Variants in SPTBN1 observed in about 807,000 individuals in gnomAD.
SPTBN1 encodes the protein spectrin beta chain, non-erythrocytic 1.
In SPTBN1, 32 loss-of-function variants were observed where a neutral mutation model predicts 266.4. That is an observed-to-expected ratio of 0.12 (90% CI 0.09 to 0.16). The LOEUF (loss-of-function observed/expected upper bound fraction) is 0.16, where lower values mean the gene tolerates loss of function less well. Among genes scored for constraint, SPTBN1 ranks in the 10% least tolerant of loss-of-function variants. SPTBN1 has a pLI of 1.00. For synonymous variants in SPTBN1, 1,336 were observed against 1,162.2 expected (o/e 1.15, Z -3.04); for missense variants, 2,296 against 3,067.1 (o/e 0.75, Z 5.94).
chr2:54,617,243 G>A (rs1171086009), intron 5 of SPTBN1, among the ~76,000 whole-genome samples: 1 of 152,216 alleles, frequency 6.6e-6, no homozygotes, highest in Non-Finnish European at 1.5e-5. Context: ...TGTGACAAGG[G>A]ACTGCAGGTC....
In SPTBN1 at chr2:54,649,638, G is replaced by A. The variant is rs1036571082; in HGVS notation, c.5226G>A (p.Glu1742=). Residue 1742 remains glutamate (E), a synonymous_variant, in exon 26 of 36, where the codon GAG becomes GAA. Coordinates refer to ENST00000356805, the MANE Select transcript of SPTBN1 (RefSeq NM_003128.3). This position sits in a 1 kb window ranked among gnomAD's most constrained non-coding sequence, Gnocchi z 6.7. ...HVTMLQERFR[E]FARDTGNIGQ... ...AGATGTTACAAGAACGATTCCGGGA[G>A]TTTGCCCGAGACACCGGGAACATTG... 3 of 1,609,884 alleles carry A rather than the reference G, an allele frequency of 1.9e-6. No homozygotes were observed. The highest frequency in any genetic ancestry group is 1.3e-5 in the African/African-American group (1 of 74,970).
chr2:54,652,650 G>T (rs1163125561), intron 26 of SPTBN1: 2 of 151,502 alleles, frequency 1.3e-5, no homozygotes, highest in Non-Finnish European at 3.0e-5. Flanking sequence ...ATTTTCATGG[G>T]TACTGCCCAT....
At chr2:54,562,259 G>A (rs1673355707) in intron 2 of SPTBN1, among the ~76,000 whole-genome samples, 2 of 152,214 alleles carry the variant, frequency 1.3e-5, no homozygotes, top group South Asian at 4.1e-4. Flanking sequence ...CCTCATGAGA[G>A]AACACTCATC....
chr2:54,594,833 C>CTTTTTT (rs71408777), intron 2 of SPTBN1, among the ~76,000 whole-genome samples: 17,115 of 103,888 alleles, frequency 0.16, 2,227 homozygotes, highest in African/African-American at 0.25. Context: ...TGGTAAGTTT[C>CTTTTTT]TTTTTTTTTT....
At position 54,614,811 on chromosome 2, in the gene SPTBN1, G is replaced by A. The variant is rs537094344; in HGVS notation, c.475-1396G>A. 2.2e-3 allele frequency among the ~76,000 whole-genome samples: 325 copies of A among 151,136 alleles called. 1 individual carries two copies. Among genetic ancestry groups the A allele is most frequent in the African/African-American group, 7.5e-3 (309 of 41,242 alleles). Reference sequence around the variant, plus strand: ...GAGACTGTCTCAAAAAAAAAAAAAAGTAAAAGATGGTGAGAAACTGGAGTG... The same window carrying A: ...GAGACTGTCTCAAAAAAAAAAAAAAATAAAAGATGGTGAGAAACTGGAGTG... On this transcript the variant is annotated intron_variant, in intron 4 of 35. Transcript: ENST00000356805.
intron 1 of SPTBN1, among the ~76,000 whole-genome samples, chr2:54,491,605 T>C (rs1472773281): frequency 6.6e-6 from 1 of 151,038 alleles, no homozygotes; most frequent in Non-Finnish European, 1.5e-5. Flanking sequence ...TTCTCTCTCT[T>C]TTTTTTTTGG....
In SPTBN1 at chr2:54,653,715, C is replaced by G. The variant is rs371604423; in HGVS notation, c.5684C>G (p.Ser1895Cys). The G allele has an allele frequency of 1.1e-4, 177 of 1,614,070 alleles. No homozygotes were observed. The highest frequency in any genetic ancestry group is 1.3e-4 in the Non-Finnish European group (157 of 1,180,032). The change falls in exon 27 of 36, where the codon TCC becomes TGC. Residue 1895 changes from serine (S) to cysteine (C), a missense_variant. By Grantham distance (112) the Ser-to-Cys change is moderately radical (BLOSUM62 -1). Transcript: ENST00000356805. This position sits in a 1 kb window ranked among gnomAD's most constrained non-coding sequence, Gnocchi z 5.1. ...AACGAGGTCCTGGAAGCCTGGAAGT[C>G]CCTCCTGGACGCCTGTGAGAGCCGC... ...RENEVLEAWK[S>C]LLDACESRRV...
chr2:54,670,929 T>C lies in SPTBN1; in HGVS notation c.*2360T>C. 5.0e-6 allele frequency: 2 copies of C among 397,654 alleles called. No homozygotes were observed. The highest frequency in any genetic ancestry group is 8.9e-6 in the Non-Finnish European group (2 of 225,946). The allele number at this position is 397,654 out of a possible 1,614,324, so 24.6% of individuals were successfully genotyped here. Reference sequence around the variant, plus strand: ...CGCACAGCCTGATGAGCTTCAAGCCTGGCAGGGTAAATAGTTTTTGGGTTT... The same window carrying C: ...CGCACAGCCTGATGAGCTTCAAGCCCGGCAGGGTAAATAGTTTTTGGGTTT... On this transcript the variant is annotated 3_prime_UTR_variant, in exon 36 of 36. Transcript: ENST00000356805.
At chr2:54,473,700 C>T (rs982733719) in intron 1 of SPTBN1, among the ~76,000 whole-genome samples, 4 of 152,152 alleles carry the variant, frequency 2.6e-5, no homozygotes, top group African/African-American at 9.7e-5. Flanking sequence ...AGTGTGCATT[C>T]CTTTAACCTT....
chr2:54,592,838 A>ACTCCTACTG (rs1675773038), intron 2 of SPTBN1, among the ~76,000 whole-genome samples: 1 of 152,182 alleles, frequency 6.6e-6, no homozygotes, highest in African/African-American at 2.4e-5. Flanking sequence ...TGGGAGAGAA[A>ACTCCTACTG]GAGCCGAGGA....
chr2:54,639,313 C>G (rs1679371461), intron 18 of SPTBN1, among the ~76,000 whole-genome samples: 1 of 152,218 alleles, frequency 6.6e-6, no homozygotes, highest in Non-Finnish European at 1.5e-5. Context: ...GTAGCTTGGG[C>G]TGGGCCTTCC....
Position 54,554,307 on chromosome 2 carries a change from C to G in SPTBN1, c.148+27741C>G, listed in dbSNP as rs2104443805. Among the ~76,000 whole-genome samples the G allele has an allele frequency of 6.6e-6, 1 of 152,306 alleles. No homozygotes were observed. The highest frequency in any genetic ancestry group is 1.5e-5 in the Non-Finnish European group (1 of 68,024). ...ATGTGTTGGTTGTGCCACTCACCAG[C>G]TGGGGCCCTGGGCAAGGCACTGTAT... On this transcript the variant is annotated intron_variant, in intron 2 of 35. Transcript: ENST00000356805. This position sits in a 1 kb window ranked among gnomAD's most constrained non-coding sequence, Gnocchi z 4.5.
At chr2:54,570,404 A>G (rs183377686) in intron 2 of SPTBN1, among the ~76,000 whole-genome samples, 4 of 152,356 alleles carry the variant, frequency 2.6e-5, no homozygotes, top group Non-Finnish European at 4.4e-5. Context: ...ATGCAAGTGG[A>G]AAGTTAATTT....
intron 26 of SPTBN1, among the ~76,000 whole-genome samples, chr2:54,651,512 T>C (rs1241843995): frequency 1.3e-5 from 2 of 152,232 alleles, no homozygotes. Flanking sequence ...TCTTCTTTGG[T>C]TGTTTCCTTT....
chr2:54,635,245 C>T (rs1173664437), intron 17 of SPTBN1, among the ~76,000 whole-genome samples: 1 of 152,358 alleles, frequency 6.6e-6, no homozygotes, highest in South Asian at 2.1e-4. Flanking sequence ...AATCCGTGAT[C>T]CAACATGGAG....
intron 5 of SPTBN1, among the ~76,000 whole-genome samples, chr2:54,616,833 AG>A (rs747436095): frequency 1.1e-4 from 16 of 152,190 alleles, no homozygotes; most frequent in Non-Finnish European, 2.2e-4. Context: ...AATTGGTTTA[AG>A]GTCATAGGTA....
intron 1 of SPTBN1, among the ~76,000 whole-genome samples, chr2:54,524,532 C>T (rs1244689813): frequency 6.6e-6 from 1 of 152,200 alleles, no homozygotes; most frequent in Non-Finnish European, 1.5e-5. Flanking sequence ...ATCCCCGCTT[C>T]TCCACCCAGA....
chr2:54,665,605 A>C (rs1323795358), intron 33 of SPTBN1, among the ~76,000 whole-genome samples: 13 of 152,216 alleles, frequency 8.5e-5, no homozygotes, highest in Non-Finnish European at 1.3e-4. Context: ...TACAGCAAAG[A>C]GTACTAAATA....
intron 1 of SPTBN1, among the ~76,000 whole-genome samples, chr2:54,459,889 T>C (rs1693270912): frequency 6.6e-6 from 1 of 152,248 alleles, no homozygotes; most frequent in Non-Finnish European, 1.5e-5. Context: ...AGTTTAGTAC[T>C]CTGATTTTTC....
Sources: gnomAD v4.1 joint callset for allele counts (sites outside exome capture counted in the v4.1 genomes callset) on GRCh38, gnomAD v4.1.1 for gene constraint, Gnocchi (gnomAD v3.1) non-coding constraint, MANE v1.5 for transcripts, NCBI Gene and HGNC (gene_info 2026-07-23, HGNC 2026-07-21) for gene names.